Variants in MICAL3 observed in about 807,000 individuals in gnomAD.
MICAL3 encodes microtubule associated monooxygenase, calponin and LIM domain containing 3, also known as [F-actin]-monooxygenase MICAL3.
MICAL3 carries 62 observed loss-of-function variants against 207.4 expected under a neutral mutation model. That is an observed-to-expected ratio of 0.30 (90% CI 0.24 to 0.37). The LOEUF is 0.37. Among genes scored for constraint, MICAL3 ranks in the 10% least tolerant of loss-of-function variants. The pLI is 1.00. For missense variants in MICAL3, 2,368 were observed against 2,635.6 expected, an observed-to-expected ratio of 0.90 and a Z score of 2.22; for synonymous variants, 1,077 against 1,069.3, an observed-to-expected ratio of 1.01 and a Z score of -0.14.
intron 1 of MICAL3, among the ~76,000 whole-genome samples, chr22:17,968,549 G>C (rs1423220910): frequency 6.6e-6 from 1 of 152,134 alleles, no homozygotes; most frequent in African/African-American, 2.4e-5. Flanking sequence ...TGCCTCTTAT[G>C]GATGTAATGA....
rs749418661 is a variant in MICAL3 at position 17,790,460 on chromosome 22, TC to T, written c.*271del. On this transcript the variant is annotated 3_prime_UTR_variant, in exon 32 of 32. Coordinates refer to ENST00000441493, the MANE Select transcript of MICAL3 (RefSeq NM_015241.3). ...CATCCTCAGGGAGCGCGCGGGGTGG[TC>T]CCCTGCGTCATGCCATACACGCCGT... 9.8e-5 allele frequency: 48 copies of T among 487,506 alleles called. No individual in the cohort carries two copies. Among genetic ancestry groups the T allele is most frequent in the Admixed American group, 3.9e-4 (11 of 28,056 alleles). The allele number at this position is 487,506 out of a possible 1,614,324, so 30.2% of individuals were successfully genotyped here.
chr22:17,841,158 G>C lies in MICAL3; in HGVS notation c.2801+664C>G, dbSNP rs535164044. 1.3e-5 allele frequency: 2 copies of C among 152,800 alleles called. No homozygotes were observed. Among genetic ancestry groups the C allele is most frequent in the Admixed American group, 6.5e-5 (1 of 15,366 alleles). The allele number at this position is 152,800 out of a possible 1,614,324, so 9.5% of individuals were successfully genotyped here. The stretch of plus-strand genomic sequence containing the variant: ...TGTCCTGAAGCCCCACAGGACACCG[G>C]ACCCCCTTTTGATTCTTGGCTCTCT... On this transcript the variant is annotated intron_variant, in intron 20 of 31. Transcript: ENST00000441493. This position sits in a 1 kb window ranked among gnomAD's most constrained non-coding sequence, Gnocchi z 4.2.
chr22:17,947,373 T>C (rs1934124570), intron 1 of MICAL3, among the ~76,000 whole-genome samples: 1 of 152,236 alleles, frequency 6.6e-6, no homozygotes, highest in African/African-American at 2.4e-5. Context: ...GGAAAAGACC[T>C]CGGTGTCTGC....
At chr22:17,808,436 G>A (rs1353443205) in intron 29 of MICAL3, among the ~76,000 whole-genome samples, 1 of 147,730 alleles carries the variant, frequency 6.8e-6, no homozygotes, top group Admixed American at 6.6e-5. Context: ...GGGAACTAAC[G>A]ACATGAGGGG....
chr22:17,826,631 G>T, intron 22 of MICAL3: 1 of 363,342 alleles, frequency 2.8e-6, no homozygotes, highest in Non-Finnish European at 3.8e-6. Context: ...AGGCATTCAG[G>T]ACAGACGCCT....
chr22:17,914,179 G>T (rs1932324903), intron 1 of MICAL3, among the ~76,000 whole-genome samples: 1 of 152,124 alleles, frequency 6.6e-6, no homozygotes, highest in African/African-American at 2.4e-5. Flanking sequence ...TTTTTTGAAG[G>T]AAAGAAAAAT....
At chr22:17,953,154 G>A (rs1489549936) in intron 1 of MICAL3, among the ~76,000 whole-genome samples, 1 of 152,172 alleles carries the variant, frequency 6.6e-6, no homozygotes, top group Non-Finnish European at 1.5e-5. Context: ...ATCAGAGTGA[G>A]GCATCTCTCT....
intron 19 of MICAL3, chr22:17,860,819 G>A (rs773712385): frequency 8.6e-5 from 85 of 985,342 alleles, no homozygotes; most frequent in Non-Finnish European, 1.0e-4. Flanking sequence ...ACGCTGCTGT[G>A]CATCCCCAAA....
At position 17,887,387 on chromosome 22, in the gene MICAL3, G is replaced by C; in HGVS notation, c.1940C>G (p.Thr647Ser). ...GCTTAGGAAGGAGATAGGGGATCTG[G>C]TGCTGGCTATCAGGACTGCTTTCTC... ...AEEKAVLIAS[T>S]RSPISFLSKL... The change falls in exon 14 of 32, where the codon ACC becomes AGC. Residue 647 changes from threonine (T) to serine (S), a missense_variant. This residue lies in a region of MICAL3 where 1,770 missense variants were observed against 1,863.2 expected (regional missense o/e 0.95). Transcript: ENST00000441493. 1 of 1,614,010 alleles carries C rather than the reference G, an allele frequency of 6.2e-7. No homozygotes were observed.
intron 1 of MICAL3, among the ~76,000 whole-genome samples, chr22:17,964,400 G>A (rs990732318): frequency 5.9e-5 from 9 of 152,100 alleles, no homozygotes; most frequent in East Asian, 3.9e-4. Flanking sequence ...TGCTGCCAAC[G>A]CCACAGGCCC....
intron 1 of MICAL3, among the ~76,000 whole-genome samples, chr22:17,982,548 G>C (rs1255051285): frequency 1.3e-5 from 2 of 152,158 alleles, no homozygotes; most frequent in African/African-American, 4.8e-5. Flanking sequence ...TCAGGCACCT[G>C]TAATCCCAGC....
chr22:17,843,676 G>T (rs953007010), intron 19 of MICAL3, among the ~76,000 whole-genome samples: 2 of 152,058 alleles, frequency 1.3e-5, no homozygotes, highest in African/African-American at 4.8e-5. Context: ...CTGCCACCTG[G>T]GGAGTGCCCA....
intron 20 of MICAL3, among the ~76,000 whole-genome samples, chr22:17,837,158 C>T (rs1028216699): frequency 1.3e-5 from 2 of 152,220 alleles, no homozygotes; most frequent in African/African-American, 4.8e-5. Flanking sequence ...GTAATCCATG[C>T]TAAAACTAGC....
At chr22:17,962,944 G>T (rs917414126) in intron 1 of MICAL3, among the ~76,000 whole-genome samples, 11 of 151,894 alleles carry the variant, frequency 7.2e-5, no homozygotes, top group Non-Finnish European at 1.5e-4. Context: ...TTAGAGACAG[G>T]GTCTCACTAT....
intron 1 of MICAL3, among the ~76,000 whole-genome samples, chr22:17,949,729 G>A (rs1208145917): frequency 6.6e-6 from 1 of 152,230 alleles, no homozygotes; most frequent in Non-Finnish European, 1.5e-5. Flanking sequence ...CTACAAAGGG[G>A]TCCAAACAAA....
At chr22:17,833,305 C>A (rs1923013789) in intron 20 of MICAL3, among the ~76,000 whole-genome samples, 1 of 137,096 alleles carries the variant, frequency 7.3e-6, no homozygotes, top group Non-Finnish European at 1.6e-5. Context: ...TCAGGAGAGG[C>A]CTTGCCTGCA....
rs560520825 is a variant in MICAL3, at chr22:17,895,615, C to T, written c.1323-205G>A. Among the ~76,000 whole-genome samples, 78 of 151,924 alleles carry T rather than the reference C, an allele frequency of 5.1e-4. No individual in the cohort carries two copies. The highest frequency in any genetic ancestry group is 1.7e-3 in the African/African-American group (69 of 41,408). The stretch of plus-strand genomic sequence containing the variant: ...CCACAGGAACCGACCGGGTAAGAGC[C>T]GAGGAGAGAGAGCAGGCACAAAACC... On this transcript the variant is annotated intron_variant, in intron 9 of 31. Transcript: ENST00000441493.
chr22:17,791,071 A>G lies in MICAL3; in HGVS notation c.5751T>C (p.Phe1917=). The G allele has an allele frequency of 6.2e-7, 1 of 1,611,208 alleles. No homozygotes were observed. Among genetic ancestry groups the G allele is most frequent in the South Asian group, 1.1e-5 (1 of 90,882 alleles). ...MVRYESELMI[F]ARELELEDRQ... ...GGTCTTCCAGCTCCAGCTCCCGGGC[A>G]CTGAGGAGGCAGGGCAGGAGGGAGA... Residue 1917 remains phenylalanine (F), a splice_region_variant and synonymous_variant, in exon 31 of 32, where the codon TTT becomes TTC. Coordinates refer to ENST00000441493, the MANE Select transcript of MICAL3 (RefSeq NM_015241.3).
At position 17,810,885 on chromosome 22, in the gene MICAL3, C is replaced by A; in HGVS notation, c.5446-72G>T. On this transcript the variant is annotated intron_variant, in intron 27 of 31. Transcript: ENST00000441493. Reference sequence around the variant, plus strand: ...GGGACAGGGGTGGGCAGCAGGCCAACAGGGGCCTGGAGAGGTCTGTCCCCC... The same window carrying A: ...GGGACAGGGGTGGGCAGCAGGCCAAAAGGGGCCTGGAGAGGTCTGTCCCCC... 3 of 1,201,324 alleles carry A rather than the reference C, an allele frequency of 2.5e-6. No individual in the cohort carries two copies. The South Asian group carries it at 3.7e-5, about 15-fold the overall frequency. The allele number at this position is 1,201,324 out of a possible 1,614,324, so 74.4% of individuals were successfully genotyped here.
Sources: gnomAD v4.1 joint callset for allele counts (sites outside exome capture counted in the v4.1 genomes callset) on GRCh38, gnomAD v4.1.1 for gene constraint, gnomAD v4.1.1 regional missense constraint, Gnocchi (gnomAD v3.1) non-coding constraint, MANE v1.5 for transcripts, NCBI Gene and HGNC (gene_info 2026-07-23, HGNC 2026-07-21) for gene names.